Variants in SCEL observed in about 807,000 individuals in gnomAD.
SCEL encodes sciellin.
SCEL carries 113 observed loss-of-function variants against 117.6 expected under a neutral mutation model. That is an observed-to-expected ratio of 0.96 (90% confidence interval 0.83 to 1.12). SCEL has a LOEUF of 1.12. SCEL is among the 50% of genes most tolerant of loss of function. SCEL has a pLI of 0.00. For missense variants in SCEL, 785 were observed against 810.8 expected, an observed-to-expected ratio of 0.97 and a Z score of 0.39; for synonymous variants, 270 against 256.2, an observed-to-expected ratio of 1.05 and a Z score of -0.51.
intron 27 of SCEL, among the ~76,000 whole-genome samples, chr13:77,619,911 T>G (rs915728499): frequency 6.6e-6 from 1 of 152,182 alleles, no homozygotes; most frequent in Non-Finnish European, 1.5e-5. Context: ...AATTGTGCTT[T>G]GTTGACAATG....
intron 9 of SCEL, among the ~76,000 whole-genome samples, chr13:77,581,305 G>A (rs920514624): frequency 1.1e-4 from 16 of 152,152 alleles, no homozygotes; most frequent in African/African-American, 3.9e-4. Flanking sequence ...TTTAAAATGT[G>A]TTGTTTGAAC....
rs552374875 is a variant in SCEL at position 77,598,378 on chromosome 13, G to C, written c.797+789G>C. ...GAATTCATTGATCAGAGGATCCCGA[G>C]ATGTGTTTTTCCTATCCTGTTCTGG... On this transcript the variant is annotated intron_variant, in intron 13 of 32. Transcript: ENST00000349847. 2.0e-5 allele frequency among the ~76,000 whole-genome samples: 3 copies of C among 152,292 alleles called. No homozygotes were observed. In the South Asian group the frequency reaches 6.2e-4, roughly 32 times the overall value.
intron 9 of SCEL, among the ~76,000 whole-genome samples, chr13:77,578,615 A>G (rs1179231167): frequency 6.6e-6 from 1 of 152,198 alleles, no homozygotes; most frequent in Non-Finnish European, 1.5e-5. Flanking sequence ...CAGGTCCCCA[A>G]AGGGATGTGG....
chr13:77,605,840 A>G (rs1214626783), intron 19 of SCEL, among the ~76,000 whole-genome samples: 2 of 152,130 alleles, frequency 1.3e-5, no homozygotes, highest in East Asian at 1.9e-4. Context: ...CCCTGTCTCT[A>G]TTAAAAATAC....
In SCEL at chr13:77,535,739, A is replaced by T. The variant is rs1383900036; in HGVS notation, c.-105A>T. The stretch of plus-strand genomic sequence containing the variant: ...GTTGAGACTCCACTGAATAAACTCT[A>T]GGTTCCCATTTCTTTCAGCCAGATC... On this transcript the variant is annotated 5_prime_UTR_variant, in exon 1 of 33. Coordinates refer to ENST00000349847, the MANE Select transcript of SCEL (RefSeq NM_144777.3). 3 of 152,214 alleles carry T rather than the reference A, an allele frequency of 2.0e-5. No individual in the cohort carries two copies. Among genetic ancestry groups the T allele is most frequent in the Non-Finnish European group, 4.4e-5 (3 of 68,050 alleles). 9.4% of individuals were successfully genotyped at this position (152,214 alleles called of 1,614,324 possible). A position where few individuals can be genotyped will look rare whatever the true frequency, so the allele number is the denominator to read the frequency against.
At chr13:77,615,130 G>A (rs907772384) in intron 24 of SCEL, among the ~76,000 whole-genome samples, 3 of 152,206 alleles carry the variant, frequency 2.0e-5, no homozygotes, top group South Asian at 2.1e-4. Context: ...ACATATTGAA[G>A]AGCTAATTAA....
At position 77,543,842 on chromosome 13, in the gene SCEL, G is replaced by A. The variant is rs1374308770; in HGVS notation, c.-20+8018G>A. Among the ~76,000 whole-genome samples the A allele has an allele frequency of 2.0e-5, 3 of 151,600 alleles. No homozygotes were observed. The East Asian group carries it at 5.8e-4, about 29-fold the overall frequency. On this transcript the variant is annotated intron_variant, in intron 1 of 32. Transcript: ENST00000349847. ...TCCTGTTGACTCCTTTTTGTTTCCC[G>A]GGCTTCTGAGATAGGTACTGTGCGT...
chr13:77,589,019 C>T, intron 9 of SCEL, 125 bp from the exon 10 acceptor site: 2 of 680,254 alleles, frequency 2.9e-6, no homozygotes. Context: ...TTTCAGGTAC[C>T]TCACACATGG....
intron 27 of SCEL, among the ~76,000 whole-genome samples, chr13:77,620,223 A>T (rs1328435395): frequency 6.6e-6 from 1 of 152,190 alleles, no homozygotes; most frequent in Non-Finnish European, 1.5e-5. Flanking sequence ...AACAGGAAAG[A>T]CTGAACCATC....
intron 28 of SCEL, among the ~76,000 whole-genome samples, chr13:77,631,083 T>A (rs1373395159): frequency 2.0e-5 from 3 of 152,088 alleles, no homozygotes; most frequent in Non-Finnish European, 4.4e-5. Context: ...AGGCAGTGAT[T>A]CTCTACCTTG....
chr13:77,556,802 T>C, intron 3 of SCEL, 89 bp downstream of exon 3: 1 of 910,636 alleles, frequency 1.1e-6, no homozygotes, highest in Non-Finnish European at 1.8e-6. Context: ...GAAAAGTGAA[T>C]ACTTTTCTCC....
At chr13:77,588,573 T>C (rs1046506592) in intron 9 of SCEL, among the ~76,000 whole-genome samples, 2 of 152,176 alleles carry the variant, frequency 1.3e-5, no homozygotes, top group African/African-American at 4.8e-5. Flanking sequence ...ACTCAGAGAC[T>C]GCTGTGGTGC....
chr13:77,559,422 G>T (rs7995839), intron 3 of SCEL, among the ~76,000 whole-genome samples: 1,934 of 152,302 alleles, frequency 0.013, 30 homozygotes, highest in African/African-American at 0.037. Flanking sequence ...AACACAATTT[G>T]TGGAAAGCTT....
intron 9 of SCEL, among the ~76,000 whole-genome samples, chr13:77,578,077 A>G (rs2086056745): frequency 1.3e-5 from 2 of 152,292 alleles, no homozygotes; most frequent in Non-Finnish European, 2.9e-5. Context: ...TCATTCAGTC[A>G]TTCAGTCACA....
At chr13:77,547,830 TTCTC>T in intron 1 of SCEL, among the ~76,000 whole-genome samples, 1 of 152,212 alleles carries the variant, frequency 6.6e-6, no homozygotes, top group East Asian at 1.9e-4. Flanking sequence ...CTTACCCTCT[TTCTC>T]TCTGTTAATG....
At chr13:77,608,011 T>C in intron 19 of SCEL, 45 bp from the exon 20 acceptor site, 2 of 1,432,082 alleles carry the variant, frequency 1.4e-6, no homozygotes, top group Non-Finnish European at 2.0e-6. Flanking sequence ...CAGTCTACCA[T>C]TGTTACGTGT....
At chr13:77,567,550 A>T in intron 5 of SCEL, 130 bp from the exon 6 acceptor site, 1 of 649,702 alleles carries the variant, frequency 1.5e-6, no homozygotes, top group South Asian at 1.9e-5. Flanking sequence ...TCTAAAATGT[A>T]ACACTTGAAA....
Position 77,642,815 on chromosome 13 carries a change from G to A in SCEL, c.2050+7G>A. 1 of 1,493,186 alleles carries A rather than the reference G, an allele frequency of 6.7e-7. No homozygotes were observed. The highest frequency in any genetic ancestry group is 2.3e-5 in the East Asian group (1 of 43,980). 92.5% of individuals were successfully genotyped at this position (1,493,186 alleles called of 1,614,324 possible). A position where few individuals can be genotyped will look rare whatever the true frequency, so the allele number is the denominator to read the frequency against. On this transcript the variant is annotated splice_region_variant and intron_variant, in intron 32 of 32. Transcript: ENST00000349847. ...TGCTACTCTAAAATTATGGGTAAGT[G>A]TTACACTCTAAGCATTTAACACTTT...
At chr13:77,642,343 C>A (rs189510685) in intron 31 of SCEL, among the ~76,000 whole-genome samples, 2 of 152,140 alleles carry the variant, frequency 1.3e-5, no homozygotes, top group Non-Finnish European at 2.9e-5. Flanking sequence ...AGCGGTCAGC[C>A]CTTTCCTACT....
Sources: gnomAD v4.1 joint callset for allele counts (sites outside exome capture counted in the v4.1 genomes callset) on GRCh38, gnomAD v4.1.1 for gene constraint, MANE v1.5 for transcripts, NCBI Gene and HGNC (gene_info 2026-07-23, HGNC 2026-07-21) for gene names.